Variants in AMZ1 observed in about 807,000 individuals in gnomAD.
The protein encoded by AMZ1 is archaelysin family metallopeptidase 1, also known as archaemetzincin-1.
In AMZ1, 39 loss-of-function variants were observed where a neutral mutation model predicts 29.9. The observed-to-expected ratio is 1.30, with a 90% CI of 1.01 to 1.70. The LOEUF is 1.70. AMZ1 is among the 40% of genes most tolerant of loss of function. The pLI is 0.00. For synonymous variants in AMZ1, 458 were observed against 304.0 expected, an observed-to-expected ratio of 1.51 and a Z score of -5.27; for missense variants, 1,041 against 680.6, an observed-to-expected ratio of 1.53 and a Z score of -5.89.
intron 3 of AMZ1, among the ~76,000 whole-genome samples, chr7:2,704,048 C>A (rs2115124465): frequency 6.6e-6 from 1 of 152,324 alleles, no homozygotes; most frequent in South Asian, 2.1e-4. Flanking sequence ...GCCACCATGC[C>A]CAGCTAATTT....
chr7:2,719,762 C>T (rs1356678482), downstream of AMZ1, among the ~76,000 whole-genome samples: 2 of 151,230 alleles, frequency 1.3e-5, no homozygotes, highest in Non-Finnish European at 2.9e-5. Context: ...CTCACTGCAA[C>T]CTCTGCCTTC....
chr7:2,705,208 G>T (rs928870021), intron 3 of AMZ1, among the ~76,000 whole-genome samples: 4 of 152,142 alleles, frequency 2.6e-5, no homozygotes, highest in Admixed American at 6.5e-5. Flanking sequence ...CTGACTGTGG[G>T]ACAAAGACAT....
upstream of AMZ1, among the ~76,000 whole-genome samples, chr7:2,687,999 G>A (rs542344310): frequency 6.1e-5 from 9 of 148,470 alleles, no homozygotes; most frequent in African/African-American, 2.2e-4. Context: ...TTTGGCTTTA[G>A]GCTCTGGGGC....
At chr7:2,685,176 T>C (rs1787032089), upstream of AMZ1, among the ~76,000 whole-genome samples, 1 of 151,576 alleles carries the variant, frequency 6.6e-6, no homozygotes, top group African/African-American at 2.4e-5. Context: ...CCTCGATGCA[T>C]AATTTCCTTT....
At chr7:2,741,180 C>T (rs565373862) in intron 4 of AMZ1, among the ~76,000 whole-genome samples, 2 of 152,178 alleles carry the variant, frequency 1.3e-5, no homozygotes, top group Admixed American at 1.3e-4. Context: ...TAAGGTATTC[C>T]CCTGCCTCTA....
chr7:2,762,697 G>GTC (rs1791620094), upstream of AMZ1: 1 of 1,573,974 alleles, frequency 6.4e-7, no homozygotes, highest in South Asian at 1.2e-5. Flanking sequence ...CGCTGCCCGG[G>GTC]TGGAGGAGCG....
intron 1 of AMZ1, among the ~76,000 whole-genome samples, chr7:2,689,518 C>T (rs1211508850): frequency 6.6e-6 from 1 of 152,210 alleles, no homozygotes. Context: ...GTCCTACCCC[C>T]TGTCCCCGTC....
chr7:2,762,084 C>G (rs1246736133), upstream of AMZ1: 1 of 152,528 alleles, frequency 6.6e-6, no homozygotes, highest in African/African-American at 2.4e-5. Flanking sequence ...ACCTCCAGCC[C>G]CTCCAGAAAA....
chr7:2,738,853 T>C (rs1475758704), intron 4 of AMZ1, among the ~76,000 whole-genome samples: 2 of 152,242 alleles, frequency 1.3e-5, no homozygotes, highest in African/African-American at 4.8e-5. Flanking sequence ...TTTTGTTTTT[T>C]GCCAGAATGT....
chr7:2,697,248 C>A (rs1293744900), intron 1 of AMZ1, among the ~76,000 whole-genome samples: 1 of 152,006 alleles, frequency 6.6e-6, no homozygotes, highest in African/African-American at 2.4e-5. Context: ...AGGCACGTGT[C>A]ACCACGCCCG....
rs779485704 is a variant in AMZ1 at position 2,746,836 on chromosome 7, TATC to T, written n.551-17871_551-17869del. On this transcript the variant is annotated intron_variant and non_coding_transcript_variant, in intron 4 of 4. Coordinates refer to the AMZ1 transcript ENST00000489665. ...ATGCAATAAAAAATGATAAAGGGGATATCATCACCAATCCCACAGAAATACAAA... is the reference window on the plus strand; with the variant it reads ...ATGCAATAAAAAATGATAAAGGGGATATCACCAATCCCACAGAAATACAAA... 9.5e-3 allele frequency among the ~76,000 whole-genome samples: 1,440 copies of T among 152,110 alleles called. 12 individuals carry two copies. Among genetic ancestry groups the T allele is most frequent in the Middle Eastern group, 0.075 (22 of 292 alleles).
chr7:2,716,304 A>T lies in AMZ1; in HGVS notation c.*3426A>T, dbSNP rs1288433154. The T allele has an allele frequency of 6.6e-6, 1 of 152,108 alleles. No individual in the cohort carries two copies. The highest frequency in any genetic ancestry group is 1.5e-5 in the Non-Finnish European group (1 of 68,032). 9.4% of individuals were successfully genotyped at this position (152,108 alleles called of 1,614,324 possible). A position where few individuals can be genotyped will look rare whatever the true frequency, so the allele number is the denominator to read the frequency against. On this transcript the variant is annotated 3_prime_UTR_variant, in exon 7 of 7. Transcript: ENST00000683327. ...ATTCTTTTCCCTCTCTTCCTCCCCA[A>T]AAAGCCCAAACTCATTGTCAGAGTG...
At chr7:2,709,020 C>T (rs1353371153) in intron 4 of AMZ1, 55 bp from the exon 5 acceptor site, 11 of 1,507,344 alleles carry the variant, frequency 7.3e-6, no homozygotes, top group Middle Eastern at 1.8e-4. Context: ...TGACGGTGGG[C>T]CCCCCAGAGC....
At chr7:2,729,975 C>G (rs1382311022) in intron 4 of AMZ1, 1 of 152,380 alleles carries the variant, frequency 6.6e-6, no homozygotes, top group Admixed American at 6.5e-5. Context: ...AGTGTTTACT[C>G]TTCTGCAAGC....
At position 2,718,141 on chromosome 7, in the gene AMZ1, C is replaced by T. The variant is rs1195763196; in HGVS notation, c.*5263C>T. 6.6e-6 allele frequency among the ~76,000 whole-genome samples: 1 copy of T among 152,212 alleles called. No individual in the cohort carries two copies. The stretch of plus-strand genomic sequence containing the variant: ...TCCACCACTGAGGCCTCCCTCGATG[C>T]CTGCTCCCTGGGCTTTTTAATGAAC... On this transcript the variant is annotated 3_prime_UTR_variant, in exon 7 of 7. Transcript: ENST00000683327.
intron 4 of AMZ1, among the ~76,000 whole-genome samples, chr7:2,749,664 T>C (rs1387917913): frequency 6.6e-6 from 1 of 151,202 alleles, no homozygotes; most frequent in Non-Finnish European, 1.5e-5. Context: ...AGTATAATAA[T>C]AATAAAATAA....
rs773454230 is a variant in AMZ1 at position 2,714,802 on chromosome 7, G to A, written c.*1924G>A. On this transcript the variant is annotated 3_prime_UTR_variant, in exon 7 of 7. Coordinates refer to ENST00000683327, the MANE Select transcript of AMZ1 (RefSeq NM_001384743.1). The stretch of plus-strand genomic sequence containing the variant: ...CACGTGAGACTCTCCATGGAGGAGG[G>A]GCATCTTCTTAGGAAGGCAGCTGCC... 3 of 152,262 alleles carry A rather than the reference G, an allele frequency of 2.0e-5. No individual in the cohort carries two copies. The highest frequency in any genetic ancestry group is 4.4e-5 in the Non-Finnish European group (3 of 68,024). 9.4% of individuals were successfully genotyped at this position (152,262 alleles called of 1,614,324 possible).
chr7:2,746,031 T>A (rs192220920), intron 4 of AMZ1, among the ~76,000 whole-genome samples: 13 of 152,146 alleles, frequency 8.5e-5, no homozygotes, highest in African/African-American at 3.1e-4. Flanking sequence ...AAGTCCTGAG[T>A]GACCTACAAA....
At chr7:2,758,745 C>T (rs1279214488) in intron 4 of AMZ1, among the ~76,000 whole-genome samples, 4 of 152,204 alleles carry the variant, frequency 2.6e-5, no homozygotes, top group Non-Finnish European at 5.9e-5. Context: ...GGCTGGAAGC[C>T]ACCAGTGCCC....
Sources: gnomAD v4.1 joint callset for allele counts (sites outside exome capture counted in the v4.1 genomes callset) on GRCh38, gnomAD v4.1.1 for gene constraint, MANE v1.5 for transcripts, NCBI Gene and HGNC (gene_info 2026-07-23, HGNC 2026-07-21) for gene names.